The following NDUFS1 variants were observed in gnomAD, a reference collection of about 807,000 sequenced individuals.
NDUFS1 encodes NADH-ubiquinone oxidoreductase 75 kDa subunit, mitochondrial.
NDUFS1 carries 61 observed loss-of-function variants against 84.4 expected under a neutral mutation model. The observed-to-expected ratio is 0.72, with a 90% CI of 0.59 to 0.89. The LOEUF (loss-of-function observed/expected upper bound fraction) is 0.89. Ranked by LOEUF, NDUFS1 falls within the 40% of genes least tolerant of loss-of-function variation. The pLI, the probability that NDUFS1 is intolerant of heterozygous loss-of-function variation, is 0.00. For missense variants in NDUFS1, 891 were observed against 890.0 expected (o/e 1.00, Z -0.01); for synonymous variants, 275 against 290.0 (o/e 0.95, Z 0.53).
chr2:206,132,764 T>C (rs1345477135), intron 14 of NDUFS1, among the ~76,000 whole-genome samples, 181 bp downstream of exon 14: 1 of 152,196 alleles, frequency 6.6e-6, no homozygotes, highest in East Asian at 1.9e-4. Flanking sequence ...TCAAATATTT[T>C]AAATATTCCT....
rs1690905625 is a variant in NDUFS1 at position 206,114,921 on chromosome 2, C to T, written c.*9264G>A. 1 of 152,142 alleles carries T rather than the reference C, an allele frequency of 6.6e-6. No homozygotes were observed. Among genetic ancestry groups the T allele is most frequent in the African/African-American group, 2.4e-5 (1 of 41,436 alleles). 9.4% of individuals were successfully genotyped at this position (152,142 alleles called of 1,614,324 possible). On this transcript the variant is annotated 3_prime_UTR_variant, in exon 19 of 19. Coordinates refer to ENST00000233190, the MANE Select transcript of NDUFS1 (RefSeq NM_005006.7). ...ACATTATTGTACACTTAATTTATGT[C>T]CTTAATACATTCTGAAGCACTTTCC... is the stretch of plus-strand genomic sequence containing the variant.
chr2:206,158,827 T>G (rs1687785744), intron 1 of NDUFS1, among the ~76,000 whole-genome samples: 1 of 152,168 alleles, frequency 6.6e-6, no homozygotes, highest in Non-Finnish European at 1.5e-5. Context: ...AATTTCCCGT[T>G]AGTTAAAGGA....
rs7589847 is a variant in NDUFS1, at chr2:206,156,373, G to A, written c.-4-2691C>T. 3.3e-5 allele frequency among the ~76,000 whole-genome samples: 5 copies of A among 150,736 alleles called. No individual in the cohort carries two copies. The South Asian group carries it at 1.0e-3, about 32-fold the overall frequency. On this transcript the variant is annotated intron_variant, in intron 1 of 18. Coordinates refer to ENST00000233190, the MANE Select transcript of NDUFS1 (RefSeq NM_005006.7). Reference sequence around the variant, plus strand: ...AGATGGCTTGGGTCTAACAGTTAGAGGCCAGCCTGGGCAACACAGCATGAT... The same window carrying A: ...AGATGGCTTGGGTCTAACAGTTAGAAGCCAGCCTGGGCAACACAGCATGAT...
At chr2:206,143,658 T>C (rs902274438) in intron 10 of NDUFS1, among the ~76,000 whole-genome samples, 6 of 151,914 alleles carry the variant, frequency 3.9e-5, no homozygotes, top group Non-Finnish European at 7.4e-5. Context: ...CTCGGCTCAC[T>C]GCAACCTCCA....
At chr2:206,145,279 T>C (rs1023468568) in intron 8 of NDUFS1, among the ~76,000 whole-genome samples, 1 of 152,046 alleles carries the variant, frequency 6.6e-6, no homozygotes, top group African/African-American at 2.4e-5. Flanking sequence ...GCTCAAACTA[T>C]CCTCTCACCA....
chr2:206,133,067 GC>G lies in NDUFS1; in HGVS notation c.1430del (p.Gly477AlafsTer26). 2 of 1,613,200 alleles carry G rather than the reference GC, an allele frequency of 1.2e-6. No homozygotes were observed. The highest frequency in any genetic ancestry group is 1.7e-6 in the Non-Finnish European group (2 of 1,179,668). On this transcript the variant is annotated frameshift_variant, in exon 14 of 19. Transcript: ENST00000233190. LOFTEE classifies it high-confidence loss of function. ...CATCATTTCTTTGGAGTGCAGAACT[GC>G]CTAAAACCACCATTGGTTTTTTAGC... Reference protein sequence around the residue: ...KEAKKPMVVLGSSALQRNDGA... With the variant: ...KEAKKPMVVLXSSALQRNDGA...
intron 5 of NDUFS1, among the ~76,000 whole-genome samples, chr2:206,148,750 T>C (rs1399994431): frequency 6.6e-6 from 1 of 152,216 alleles, no homozygotes; most frequent in East Asian, 1.9e-4. Context: ...AGTATAGTAG[T>C]AGCTTAGTAA....
At chr2:206,153,450 C>G (rs1458247322) in intron 2 of NDUFS1, among the ~76,000 whole-genome samples, 168 bp downstream of exon 2, 1 of 152,110 alleles carries the variant, frequency 6.6e-6, no homozygotes, top group Non-Finnish European at 1.5e-5. Flanking sequence ...CCTGCCTCAG[C>G]CTCTCAAAGT....
intron 1 of NDUFS1, among the ~76,000 whole-genome samples, 170 bp from the exon 2 acceptor site, chr2:206,153,852 T>C (rs1392246349): frequency 1.3e-5 from 2 of 152,230 alleles, no homozygotes; most frequent in East Asian, 3.8e-4. Context: ...TCAGAGATAC[T>C]GACTTGTACA....
intron 14 of NDUFS1, 130 bp from the exon 15 acceptor site, chr2:206,130,372 G>T: frequency 8.3e-7 from 1 of 1,204,238 alleles, no homozygotes; most frequent in Non-Finnish European, 1.2e-6. Context: ...TTTTTTTCTC[G>T]GCGATAGAGT....
chr2:206,125,183 CA>C (rs1245672269), intron 18 of NDUFS1, among the ~76,000 whole-genome samples: 1 of 152,040 alleles, frequency 6.6e-6, no homozygotes, highest in East Asian at 1.9e-4. Flanking sequence ...ATATATAGGC[CA>C]GGGGTGGTGG....
In NDUFS1 at chr2:206,116,517, G is replaced by A; in HGVS notation, c.*7668C>T. 2 of 1,154,666 alleles carry A rather than the reference G, an allele frequency of 1.7e-6. No homozygotes were observed. Among genetic ancestry groups the A allele is most frequent in the Non-Finnish European group, 1.2e-6 (1 of 805,984 alleles). 71.5% of individuals were successfully genotyped at this position (1,154,666 alleles called of 1,614,324 possible). ...CAGCGCCATGTTCCCAGGGGTGCGG[G>A]GATGGCAGCGCTACGCCTCAGCCAC... On this transcript the variant is annotated 3_prime_UTR_variant, in exon 19 of 19. Coordinates refer to ENST00000233190, the MANE Select transcript of NDUFS1 (RefSeq NM_005006.7).
intron 1 of NDUFS1, 82 bp downstream of exon 1, chr2:206,159,259 C>T: frequency 1.1e-6 from 1 of 926,004 alleles, no homozygotes; most frequent in East Asian, 2.6e-5. Context: ...GACTACGTCG[C>T]GTGGGCCAAA....
At chr2:206,158,963 G>C in intron 1 of NDUFS1, 1 of 919,432 alleles carries the variant, frequency 1.1e-6, no homozygotes, top group Admixed American at 2.3e-5. Flanking sequence ...GTAAAAATCT[G>C]GGGGGAAAGG....
rs145330296 is a variant in NDUFS1 at position 206,143,271 on chromosome 2, A to C, written c.988-440T>G. On this transcript the variant is annotated intron_variant, in intron 10 of 18. Coordinates refer to ENST00000233190, the MANE Select transcript of NDUFS1 (RefSeq NM_005006.7). Reference sequence around the variant, plus strand: ...AAAACTCCATCTCAAAAACACAAAAAAAGTTGTACAACAATTATTAATTAA... The same window carrying C: ...AAAACTCCATCTCAAAAACACAAAACAAGTTGTACAACAATTATTAATTAA... 3.5e-3 allele frequency among the ~76,000 whole-genome samples: 537 copies of C among 152,312 alleles called. 1 individual carries two copies. Among genetic ancestry groups the C allele is most frequent in the African/African-American group, 0.012 (509 of 41,566 alleles).
intron 14 of NDUFS1, among the ~76,000 whole-genome samples, chr2:206,131,521 G>C (rs776144349): frequency 6.6e-6 from 1 of 152,180 alleles, no homozygotes; most frequent in Admixed American, 6.6e-5. Context: ...TTACACAGCT[G>C]TGAGGTGAAG....
At position 206,115,667 on chromosome 2, in the gene NDUFS1, T is replaced by A; in HGVS notation, c.*8518A>T. On this transcript the variant is annotated 3_prime_UTR_variant, in exon 19 of 19. Coordinates refer to ENST00000233190, the MANE Select transcript of NDUFS1 (RefSeq NM_005006.7). Reference sequence around the variant, plus strand: ...TTGCAAAATTAAGATAGTGTTGTTCTTCATCTGACACTGTACAAGCAACAA... The same window carrying A: ...TTGCAAAATTAAGATAGTGTTGTTCATCATCTGACACTGTACAAGCAACAA... 2.7e-6 allele frequency: 1 copy of A among 373,628 alleles called. No homozygotes were observed. The highest frequency in any genetic ancestry group is 5.1e-6 in the Non-Finnish European group (1 of 196,828). The allele number at this position is 373,628 out of a possible 1,614,324, so 23.1% of individuals were successfully genotyped here. A position where few individuals can be genotyped will look rare whatever the true frequency, so the allele number is the denominator to read the frequency against.
At chr2:206,146,804 CA>C in intron 8 of NDUFS1, 98 bp downstream of exon 8, 7 of 1,211,890 alleles carry the variant, frequency 5.8e-6, no homozygotes, top group South Asian at 1.3e-5. Flanking sequence ...GTCAACAGAC[CA>C]AAACAACTGA....
At chr2:206,148,581 G>A (rs1191498744) in intron 5 of NDUFS1, among the ~76,000 whole-genome samples, 1 of 152,120 alleles carries the variant, frequency 6.6e-6, no homozygotes, top group African/African-American at 2.4e-5. Flanking sequence ...CTGAGGCCAG[G>A]AGTTCAAGCC....
Sources: gnomAD v4.1 joint callset for allele counts (sites outside exome capture counted in the v4.1 genomes callset) on GRCh38, gnomAD v4.1.1 for gene constraint, MANE v1.5 for transcripts, NCBI Gene and HGNC (gene_info 2026-07-23, HGNC 2026-07-21) for gene names.